Variants in PRICKLE1 observed in about 807,000 individuals in gnomAD.
The protein encoded by PRICKLE1 is prickle planar cell polarity protein 1.
A neutral mutation model predicts 70.2 loss-of-function variants in PRICKLE1; 14 were observed. The ratio of observed to expected loss-of-function variants is 0.20; its 90% CI spans 0.13 to 0.31. The LOEUF is 0.31. PRICKLE1 is among the 10% of genes least tolerant of loss of function. The probability of loss-of-function intolerance (pLI) is 1.00; values close to 1 mark genes in which losing one functional copy is unlikely to be tolerated. For missense variants in PRICKLE1, 821 were observed against 1,026.2 expected (o/e 0.80, Z 2.73); for synonymous variants, 357 against 379.9 (o/e 0.94, Z 0.70).
At chr12:42,521,421 C>G (rs1203678342) in intron 1 of PRICKLE1, among the ~76,000 whole-genome samples, 1 of 151,994 alleles carries the variant, frequency 6.6e-6, no homozygotes, top group African/African-American at 2.4e-5. Flanking sequence ...GTTAATAGAC[C>G]TACTGCAGTG....
intron 1 of PRICKLE1, among the ~76,000 whole-genome samples, chr12:42,534,644 G>T (rs1171653235): frequency 2.6e-5 from 4 of 152,146 alleles, no homozygotes; most frequent in Non-Finnish European, 5.9e-5. Flanking sequence ...GCCTTGAAAA[G>T]GGCAGAGCAG....
intron 1 of PRICKLE1, among the ~76,000 whole-genome samples, chr12:42,477,231 G>T (rs1169270819): frequency 2.0e-5 from 3 of 151,586 alleles, no homozygotes; most frequent in African/African-American, 7.3e-5. Flanking sequence ...AATTATCCAG[G>T]TGTGGTGGTG....
intron 1 of PRICKLE1, among the ~76,000 whole-genome samples, chr12:42,475,864 G>A (rs948360326): frequency 5.3e-5 from 8 of 151,860 alleles, no homozygotes; most frequent in Non-Finnish European, 1.2e-4. Context: ...AGGCTGGGGG[G>A]GGGCGGGGGC....
rs1938700999 is a variant in PRICKLE1 at position 42,479,316 on chromosome 12, T to C, written c.-48-6752A>G. On this transcript the variant is annotated intron_variant, in intron 1 of 7. Coordinates refer to ENST00000345127, the MANE Select transcript of PRICKLE1 (RefSeq NM_153026.3). ...ACGGCAGACAATTTTGCCAAGTTATTGACCAACGTTTCCAGCTGCTTCGGT... is the reference window on the plus strand; with the variant it reads ...ACGGCAGACAATTTTGCCAAGTTATCGACCAACGTTTCCAGCTGCTTCGGT... Among the ~76,000 whole-genome samples the C allele has an allele frequency of 2.0e-5, 3 of 152,256 alleles. No homozygotes were observed. In the South Asian group the frequency reaches 6.2e-4, roughly 31 times the overall value.
At position 42,468,782 on chromosome 12, in the gene PRICKLE1, A is replaced by C; in HGVS notation, c.432T>G (p.Arg144=). 1 of 1,614,178 alleles carries C rather than the reference A, an allele frequency of 6.2e-7. No individual in the cohort carries two copies. The highest frequency in any genetic ancestry group is 8.5e-7 in the Non-Finnish European group (1 of 1,180,036). Residue 144 remains arginine, a synonymous_variant, in exon 5 of 8, where the codon CGT becomes CGG. Coordinates refer to ENST00000345127, the MANE Select transcript of PRICKLE1 (RefSeq NM_153026.3). The part of the protein sequence containing the change: ...NGGEVAVFAS[R]AGPGVCWHPS... ...GGTGCCAGCACACACCAGGGCCCGC[A>C]CGGGAGGCGAACACTGCAACTTCAC... is the stretch of plus-strand genomic sequence containing the variant.
In PRICKLE1 at chr12:42,464,749, G is replaced by C; in HGVS notation, c.1285C>G (p.Gln429Glu). 1 of 1,614,096 alleles carries C rather than the reference G, an allele frequency of 6.2e-7. No homozygotes were observed. The highest frequency in any genetic ancestry group is 1.1e-5 in the South Asian group (1 of 91,078). ...LLKFGDKSLF[Q>E]PQPNEMDIRA... is the part of the protein sequence containing the mutation. ...ATATCCATCTCATTGGGCTGTGGCT[G>C]AAAGAGGCTTTTATCACCAAACTTG... Residue 429 changes from glutamine to glutamate, a missense_variant, in exon 7 of 8, where the codon CAG becomes GAG. Physicochemically the swap from Gln to Glu is conservative, Grantham distance 29. Coordinates refer to ENST00000345127, the MANE Select transcript of PRICKLE1 (RefSeq NM_153026.3). This position sits in a 1 kb window ranked among gnomAD's most constrained non-coding sequence, Gnocchi z 4.2.
chr12:42,564,171 TCGTGAACC>T lies in PRICKLE1; in HGVS notation c.-49+25286_-49+25293del, dbSNP rs1318387297. ...TACTTGGGAGGCTGAGGCAGGAGAA[TCGTGAACC>T]CGGGAGGTGGAGGTTGCAGTGAGCC... On this transcript the variant is annotated intron_variant, in intron 1 of 7. Transcript: ENST00000345127. Among the ~76,000 whole-genome samples, 8 of 140,622 alleles carry T rather than the reference TCGTGAACC, an allele frequency of 5.7e-5. No homozygotes were observed. The Admixed American group carries it at 6.2e-4, about 11-fold the overall frequency. 92.3% of individuals were successfully genotyped at this position (140,622 alleles called of 152,430 possible).
At chr12:42,557,090 G>T (rs1014464544) in intron 1 of PRICKLE1, among the ~76,000 whole-genome samples, 1 of 152,056 alleles carries the variant, frequency 6.6e-6, no homozygotes, top group Non-Finnish European at 1.5e-5. Flanking sequence ...AAGTGGCTGG[G>T]ACTACCACCT....
intron 1 of PRICKLE1, among the ~76,000 whole-genome samples, chr12:42,479,940 G>A (rs1241074816): frequency 6.6e-6 from 1 of 151,464 alleles, no homozygotes; most frequent in Non-Finnish European, 1.5e-5. Flanking sequence ...GGCAACAAGA[G>A]CGAAACTCCA....
At chr12:42,537,435 T>C (rs537025471) in intron 1 of PRICKLE1, among the ~76,000 whole-genome samples, 18 of 152,112 alleles carry the variant, frequency 1.2e-4, no homozygotes, top group Admixed American at 3.3e-4. Flanking sequence ...AAAGTGCTGG[T>C]ATTATAGGCA....
chr12:42,529,178 TATTTTATTTTGA>T (rs909620020), intron 1 of PRICKLE1, among the ~76,000 whole-genome samples: 2 of 152,242 alleles, frequency 1.3e-5, no homozygotes, highest in African/African-American at 4.8e-5. Context: ...CAAAACTAGA[TATTTTATTTTGA>T]ATTTTATTTG....
chr12:42,481,204 A>G (rs78563061), intron 1 of PRICKLE1, among the ~76,000 whole-genome samples: 1 of 152,342 alleles, frequency 6.6e-6, no homozygotes, highest in African/African-American at 2.4e-5. Context: ...GTAACTGTAT[A>G]TCAGGTCTGG....
At chr12:42,579,882 T>C (rs969276079) in intron 1 of PRICKLE1, among the ~76,000 whole-genome samples, 1 of 152,152 alleles carries the variant, frequency 6.6e-6, no homozygotes, top group Admixed American at 6.6e-5. Flanking sequence ...TATATTATTT[T>C]TTTTTTTGAG....
At chr12:42,495,076 T>A (rs1939171329) in intron 1 of PRICKLE1, among the ~76,000 whole-genome samples, 1 of 151,312 alleles carries the variant, frequency 6.6e-6, no homozygotes, top group Non-Finnish European at 1.5e-5. Context: ...AAAAATTTTT[T>A]AAGAGATGGG....
At chr12:42,582,273 G>C (rs931913791) in intron 1 of PRICKLE1, among the ~76,000 whole-genome samples, 19 of 152,200 alleles carry the variant, frequency 1.2e-4, no homozygotes, top group African/African-American at 4.6e-4. Context: ...AACTAGGTGA[G>C]GGGGGCAAGT....
Position 42,470,329 on chromosome 12 carries a change from C to T in PRICKLE1, c.163G>A (p.Glu55Lys), listed in dbSNP as rs1938269718. 1.9e-6 allele frequency: 3 copies of T among 1,613,768 alleles called. No individual in the cohort carries two copies. Among genetic ancestry groups the T allele is most frequent in the African/African-American group, 1.3e-5 (1 of 74,888 alleles). Residue 55 changes from glutamate (E) to lysine (K), a missense_variant, in exon 3 of 8, where the codon GAA becomes AAA. Physicochemically the swap from Glu to Lys is moderately conservative, Grantham distance 56. Transcript: ENST00000345127. ...IQLYFACLPE[E>K]KVPYVNSPGE... Reference sequence around the variant, plus strand: ...GGGCTGTTAACGTAAGGAACTTTTTCCTCTGGTAAGCAAGCAAAATAGAGC... The same window carrying T: ...GGGCTGTTAACGTAAGGAACTTTTTTCTCTGGTAAGCAAGCAAAATAGAGC...
At chr12:42,584,464 C>G (rs150929901) in intron 1 of PRICKLE1, 23 of 151,820 alleles carry the variant, frequency 1.5e-4, no homozygotes, top group Admixed American at 3.3e-4. Context: ...TGTGCTTGCT[C>G]AAAGAAAATG....
intron 1 of PRICKLE1, among the ~76,000 whole-genome samples, chr12:42,491,119 C>T (rs910344841): frequency 6.6e-6 from 1 of 151,152 alleles, no homozygotes; most frequent in Non-Finnish European, 1.5e-5. Flanking sequence ...AGGGGATCTG[C>T]CCGCCTCAGC....
At chr12:42,527,387 C>T (rs1939824709) in intron 1 of PRICKLE1, among the ~76,000 whole-genome samples, 1 of 152,108 alleles carries the variant, frequency 6.6e-6, no homozygotes, top group African/African-American at 2.4e-5. Context: ...CCTGCCTTGG[C>T]CTCTCAAAGT....
Sources: gnomAD v4.1 joint callset for allele counts (sites outside exome capture counted in the v4.1 genomes callset) on GRCh38, gnomAD v4.1.1 for gene constraint, Gnocchi (gnomAD v3.1) non-coding constraint, MANE v1.5 for transcripts, NCBI Gene and HGNC (gene_info 2026-07-23, HGNC 2026-07-21) for gene names.